The following MTREX variants were observed in gnomAD, a reference collection of about 807,000 sequenced individuals.
The protein encoded by MTREX is exosome RNA helicase MTR4.
Under a neutral mutation model 135.4 loss-of-function variants are expected in MTREX, and 76 were observed. The ratio of observed to expected loss-of-function variants is 0.56; its 90% confidence interval spans 0.47 to 0.68. The LOEUF is 0.68. MTREX is among the 30% of genes least tolerant of loss of function. The pLI is 0.00. For synonymous variants in MTREX, 404 were observed against 401.6 expected, an observed-to-expected ratio of 1.01 and a Z score of -0.07; for missense variants, 920 against 1,262.1, an observed-to-expected ratio of 0.73 and a Z score of 4.11.
chr5:55,322,499 A>G (rs746668535), intron 2 of MTREX, 35 bp downstream of exon 2: 1 of 1,499,312 alleles, frequency 6.7e-7, no homozygotes, highest in Admixed American at 2.3e-5. Context: ...TTAGTAACTC[A>G]TAATTCAGGT....
intron 15 of MTREX, among the ~76,000 whole-genome samples, chr5:55,364,105 G>C (rs1307147977): frequency 6.6e-6 from 1 of 152,092 alleles, no homozygotes; most frequent in African/African-American, 2.4e-5. Context: ...GAATCAGAGT[G>C]GGGGTTACGT....
At chr5:55,337,148 G>A (rs1476375128) in intron 5 of MTREX, among the ~76,000 whole-genome samples, 2 of 151,832 alleles carry the variant, frequency 1.3e-5, no homozygotes, top group African/African-American at 4.8e-5. Context: ...TATGAGACAG[G>A]GTCTTGCTGT....
chr5:55,400,329 G>A lies in MTREX; in HGVS notation c.2389G>A (p.Val797Ile). Residue 797 changes from valine (V) to isoleucine (I), a missense_variant, in exon 21 of 27, where the codon GTA becomes ATA. Val to Ile is a conservative substitution (Grantham distance 29). Coordinates refer to ENST00000230640, the MANE Select transcript of MTREX (RefSeq NM_015360.5). ...AGGGCTGAAAAAAGTCATTCAGAAA[G>A]TAGAAGCTTTTGAGCATCGAATGTA... ...DQGLKKVIQK[V>I]EAFEHRMYSH... The A allele has an allele frequency of 6.2e-7, 1 of 1,613,326 alleles. No homozygotes were observed. The highest frequency in any genetic ancestry group is 8.5e-7 in the Non-Finnish European group (1 of 1,179,640).
intron 16 of MTREX, among the ~76,000 whole-genome samples, chr5:55,368,915 C>T (rs1750149574): frequency 2.6e-5 from 4 of 151,768 alleles, no homozygotes; most frequent in Admixed American, 2.6e-4. Flanking sequence ...TTTTAAAAAC[C>T]TTATAACATG....
Position 55,366,375 on chromosome 5 carries a change from G to C in MTREX, c.1660-350G>C, listed in dbSNP as rs559238143. Among the ~76,000 whole-genome samples, 9 of 152,150 alleles carry C rather than the reference G, an allele frequency of 5.9e-5. No individual in the cohort carries two copies. In the South Asian group the frequency reaches 1.9e-3, roughly 32 times the overall value. Reference sequence around the variant, plus strand: ...GATGGTGGCACATGCTTGTAATCACGGCTGCTCAGGAGGCTAAGACTGGAG... The same window carrying C: ...GATGGTGGCACATGCTTGTAATCACCGCTGCTCAGGAGGCTAAGACTGGAG... On this transcript the variant is annotated intron_variant, in intron 15 of 26. Transcript: ENST00000230640.
chr5:55,344,686 T>C lies in MTREX; in HGVS notation c.1005+66T>C, dbSNP rs1363905564. On this transcript the variant is annotated intron_variant, in intron 9 of 26. Transcript: ENST00000230640. ...CTTTATTATTAATATCTTGTTGTTG[T>C]TGTTTTTAAATTTTGAATTAGAGAA... The C allele has an allele frequency of 8.5e-6, 8 of 945,910 alleles. No homozygotes were observed. In the Admixed American group the frequency reaches 8.8e-5, roughly 10 times the overall value. The allele number at this position is 945,910 out of a possible 1,614,324, so 58.6% of individuals were successfully genotyped here. A position where few individuals can be genotyped will look rare whatever the true frequency, so the allele number is the denominator to read the frequency against.
chr5:55,411,337 A>G (rs1750881866), intron 23 of MTREX, among the ~76,000 whole-genome samples: 2 of 152,228 alleles, frequency 1.3e-5, no homozygotes, highest in African/African-American at 2.4e-5. Flanking sequence ...AGACAAGGAC[A>G]TCTGCCTTCT....
rs879081607 is a variant in MTREX at position 55,425,010 on chromosome 5, T to G, written c.*238T>G. ...TTTGGTGGAAGGCTTGGAGTTTTTT[T>G]AATGAGTTTAGAGCTATTAGATAAC... On this transcript the variant is annotated 3_prime_UTR_variant, in exon 27 of 27. Coordinates refer to ENST00000230640, the MANE Select transcript of MTREX (RefSeq NM_015360.5). 2.6e-6 allele frequency: 2 copies of G among 778,732 alleles called. No individual in the cohort carries two copies. Among genetic ancestry groups the G allele is most frequent in the Non-Finnish European group, 2.0e-6 (1 of 498,750 alleles). 48.2% of individuals were successfully genotyped at this position (778,732 alleles called of 1,614,324 possible).
chr5:55,405,350 T>C, intron 21 of MTREX, 75 bp from the exon 22 acceptor site: 1 of 1,304,226 alleles, frequency 7.7e-7, no homozygotes, highest in Non-Finnish European at 1.1e-6. Context: ...ATTTTTTGTT[T>C]GATTTCATGA....
intron 5 of MTREX, among the ~76,000 whole-genome samples, chr5:55,330,542 A>G (rs1749459619): frequency 6.6e-6 from 1 of 150,692 alleles, no homozygotes; most frequent in African/African-American, 2.4e-5. Context: ...AAAACGTTAA[A>G]TGTCCTTGTT....
intron 23 of MTREX, among the ~76,000 whole-genome samples, chr5:55,410,877 C>T (rs113319071): frequency 2.8e-4 from 43 of 152,238 alleles, no homozygotes; most frequent in African/African-American, 9.9e-4. Context: ...TAAATTTGTT[C>T]TGTAACCCAA....
At chr5:55,312,783 A>G (rs555272137) in intron 1 of MTREX, among the ~76,000 whole-genome samples, 39 of 152,352 alleles carry the variant, frequency 2.6e-4, no homozygotes, top group African/African-American at 9.4e-4. Flanking sequence ...TCTTTTGAAC[A>G]GTGAGTGCTC....
intron 16 of MTREX, among the ~76,000 whole-genome samples, chr5:55,375,644 G>A (rs971752423): frequency 6.6e-5 from 10 of 152,130 alleles, no homozygotes; most frequent in South Asian, 4.2e-4. Context: ...GTCCTGAGGC[G>A]ATATACATCC....
intron 16 of MTREX, among the ~76,000 whole-genome samples, chr5:55,369,960 T>C (rs1561199921): frequency 1.3e-5 from 2 of 151,910 alleles, no homozygotes; most frequent in African/African-American, 4.8e-5. Flanking sequence ...ATCATTCCTA[T>C]TGCCCAGGCA....
chr5:55,421,996 C>A (rs1751062264), intron 25 of MTREX, among the ~76,000 whole-genome samples: 1 of 152,090 alleles, frequency 6.6e-6, no homozygotes, highest in Admixed American at 6.5e-5. Context: ...GCATTCCTAG[C>A]AGCTGAGAAT....
At position 55,414,251 on chromosome 5, in the gene MTREX, T is replaced by C; in HGVS notation, c.2808+13T>C. The C allele has an allele frequency of 1.3e-6, 2 of 1,560,164 alleles. No homozygotes were observed. The highest frequency in any genetic ancestry group is 1.7e-6 in the Non-Finnish European group (2 of 1,162,566). The stretch of plus-strand genomic sequence containing the variant: ...TCGTCAAATGCAGGTAAGGTTTTTT[T>C]TTTTTTTTTTTGAACTACATATTTT... On this transcript the variant is annotated intron_variant, in intron 24 of 26. Coordinates refer to ENST00000230640, the MANE Select transcript of MTREX (RefSeq NM_015360.5).
chr5:55,423,078 GTTC>G (rs1374897113), intron 26 of MTREX, 96 bp downstream of exon 26: 17 of 832,486 alleles, frequency 2.0e-5, no homozygotes, highest in Non-Finnish European at 3.2e-5. Context: ...GTTTTGAGAT[GTTC>G]TTCACTGCAT....
intron 18 of MTREX, among the ~76,000 whole-genome samples, chr5:55,386,328 C>T (rs980734491): frequency 3.3e-5 from 5 of 151,996 alleles, no homozygotes; most frequent in Admixed American, 1.3e-4. Context: ...TTCAGTTATA[C>T]TGTTAGGAAG....
At chr5:55,397,659 T>G (rs1322222290) in intron 20 of MTREX, 133 bp downstream of exon 20, 2 of 485,768 alleles carry the variant, frequency 4.1e-6, no homozygotes, top group Non-Finnish European at 7.2e-6. Flanking sequence ...ATAGTGACAA[T>G]TATTTTTCAT....
Sources: gnomAD v4.1 joint callset for allele counts (sites outside exome capture counted in the v4.1 genomes callset) on GRCh38, gnomAD v4.1.1 for gene constraint, MANE v1.5 for transcripts, NCBI Gene and HGNC (gene_info 2026-07-23, HGNC 2026-07-21) for gene names.